Variants in RAB3C observed in about 807,000 individuals in gnomAD.
RAB3C encodes ras-related protein Rab-3C.
RAB3C carries 17 observed loss-of-function variants against 26.4 expected under a neutral mutation model. The ratio of observed to expected loss-of-function variants is 0.64; its 90% CI spans 0.44 to 0.97. The LOEUF (loss-of-function observed/expected upper bound fraction) is 0.97, where lower values mean the gene tolerates loss of function less well. RAB3C is among the 50% of genes least tolerant of loss of function. RAB3C has a pLI of 0.00. For synonymous variants in RAB3C, 91 were observed against 95.9 expected (o/e 0.95, Z 0.30); for missense variants, 242 against 281.9 (o/e 0.86, Z 1.01).
At position 58,759,067 on chromosome 5, in the gene RAB3C, C is replaced by A. The variant is rs549830181; in HGVS notation, c.371+32947C>A. On this transcript the variant is annotated intron_variant, in intron 3 of 4. Transcript: ENST00000282878. Reference sequence around the variant, plus strand: ...CCGCTTTATACTAAATATTACCTCCCTCCAACATTCAACAAATATTTCATA... The same window carrying A: ...CCGCTTTATACTAAATATTACCTCCATCCAACATTCAACAAATATTTCATA... Among the ~76,000 whole-genome samples the A allele has an allele frequency of 1.3e-4, 20 of 152,318 alleles. No homozygotes were observed. The South Asian group carries it at 3.9e-3, about 30-fold the overall frequency.
At chr5:58,695,899 T>C (rs1748687614) in intron 2 of RAB3C, among the ~76,000 whole-genome samples, 2 of 152,222 alleles carry the variant, frequency 1.3e-5, no homozygotes, top group South Asian at 4.1e-4. Flanking sequence ...CATTTCCTAA[T>C]TGAATACCCT....
chr5:58,832,606 T>C (rs1055638526), intron 4 of RAB3C, among the ~76,000 whole-genome samples: 5 of 152,200 alleles, frequency 3.3e-5, no homozygotes, highest in African/African-American at 1.2e-4. Context: ...ATTGTTGTAA[T>C]AGAGGCATGG....
At chr5:58,823,100 C>A in intron 3 of RAB3C, 1 of 488,796 alleles carries the variant, frequency 2.0e-6, no homozygotes, top group Non-Finnish European at 3.9e-6. Flanking sequence ...GCATGGGAAA[C>A]ACATCATGGG....
intron 1 of RAB3C, among the ~76,000 whole-genome samples, chr5:58,596,885 ATAATATATAATATTATATTT>A (rs1189424605): frequency 3.1e-5 from 3 of 97,772 alleles, no homozygotes; most frequent in Admixed American, 1.7e-4. Flanking sequence ...TATATAATAC[ATAATATATAATATTATATTT>A]TAATATATAA....
intron 4 of RAB3C, among the ~76,000 whole-genome samples, chr5:58,845,844 C>T (rs1488235606): frequency 1.3e-5 from 2 of 151,772 alleles, no homozygotes; most frequent in Non-Finnish European, 2.9e-5. Flanking sequence ...CCCTGCCCAT[C>T]AGCATTCACT....
At chr5:58,837,778 C>T (rs757888245) in intron 4 of RAB3C, among the ~76,000 whole-genome samples, 3 of 150,438 alleles carry the variant, frequency 2.0e-5, no homozygotes, top group Non-Finnish European at 3.0e-5. Flanking sequence ...AGGCTGATCT[C>T]GAACTCCTGA....
chr5:58,660,911 C>T (rs1025511971), intron 2 of RAB3C, among the ~76,000 whole-genome samples: 1 of 150,064 alleles, frequency 6.7e-6, no homozygotes, highest in African/African-American at 2.5e-5. Flanking sequence ...TCATAGGACC[C>T]ATCTACCATG....
At chr5:58,737,913 G>A (rs1579889726) in intron 3 of RAB3C, among the ~76,000 whole-genome samples, 2 of 148,444 alleles carry the variant, frequency 1.3e-5, no homozygotes, top group East Asian at 1.9e-4. Context: ...AAAAAAAAAT[G>A]TCTTATCTTA....
At chr5:58,719,646 T>C (rs1254287919) in intron 2 of RAB3C, among the ~76,000 whole-genome samples, 3 of 151,996 alleles carry the variant, frequency 2.0e-5, no homozygotes, top group Non-Finnish European at 4.4e-5. Context: ...TGCCATGCTG[T>C]CACTGAAGGC....
At chr5:58,632,522 T>C (rs750817200) in intron 2 of RAB3C, among the ~76,000 whole-genome samples, 2 of 152,220 alleles carry the variant, frequency 1.3e-5, no homozygotes, top group Non-Finnish European at 2.9e-5. Context: ...AAGGGAGGTC[T>C]ACTTCAGTCT....
chr5:58,731,026 C>A (rs1371154560), intron 3 of RAB3C, among the ~76,000 whole-genome samples: 2 of 151,964 alleles, frequency 1.3e-5, no homozygotes, highest in Non-Finnish European at 2.9e-5. Context: ...ATCATAAGAA[C>A]AACATGGGAA....
chr5:58,782,831 A>C (rs1453570519), intron 3 of RAB3C, among the ~76,000 whole-genome samples: 1 of 152,190 alleles, frequency 6.6e-6, no homozygotes, highest in Non-Finnish European at 1.5e-5. Flanking sequence ...ATAGGATAAG[A>C]ATAATTTCTC....
chr5:58,722,455 A>G (rs1317812097), intron 2 of RAB3C, among the ~76,000 whole-genome samples: 1 of 151,828 alleles, frequency 6.6e-6, no homozygotes, highest in African/African-American at 2.4e-5. Flanking sequence ...AAGCCATTTA[A>G]AGTTACTTTA....
chr5:58,773,730 C>T (rs57818502), intron 3 of RAB3C, among the ~76,000 whole-genome samples: 3,687 of 152,172 alleles, frequency 0.024, 155 homozygotes, highest in African/African-American at 0.084. Flanking sequence ...AAGATGAAGA[C>T]GCAGTGAACC....
chr5:58,758,145 T>C (rs292953), intron 3 of RAB3C, among the ~76,000 whole-genome samples: 109,138 of 151,728 alleles, frequency 0.72, 39,378 homozygotes, highest in Middle Eastern at 0.78. Flanking sequence ...GGGGTTTCAC[T>C]GTGTTAGTCA....
intron 2 of RAB3C, among the ~76,000 whole-genome samples, chr5:58,709,513 T>C (rs192011978): frequency 1.1e-4 from 17 of 152,332 alleles, no homozygotes; most frequent in Non-Finnish European, 2.2e-4. Flanking sequence ...CAGTTCTGTT[T>C]TGAATGAAGA....
intron 2 of RAB3C, among the ~76,000 whole-genome samples, chr5:58,625,998 T>C (rs1291598094): frequency 6.6e-6 from 1 of 152,154 alleles, no homozygotes; most frequent in Non-Finnish European, 1.5e-5. Flanking sequence ...TCTTCTAATA[T>C]GTGCTGCACA....
intron 3 of RAB3C, among the ~76,000 whole-genome samples, chr5:58,772,793 T>G (rs1579910535): frequency 6.6e-6 from 1 of 152,302 alleles, no homozygotes; most frequent in Non-Finnish European, 1.5e-5. Flanking sequence ...CTTAAATTGC[T>G]TAAAGATTAT....
At position 58,822,753 on chromosome 5, in the gene RAB3C, A is replaced by T. The variant is rs551281330; in HGVS notation, c.372-2285A>T. 3 of 534,676 alleles carry T rather than the reference A, an allele frequency of 5.6e-6. No homozygotes were observed. The African/African-American group carries it at 5.7e-5, about 10-fold the overall frequency. The allele number at this position is 534,676 out of a possible 1,614,324, so 33.1% of individuals were successfully genotyped here. Reference sequence around the variant, plus strand: ...GCGCAGCATATGTACATGGTACATGAACTACCAAAATAAGGTGTGAAGGTT... The same window carrying T: ...GCGCAGCATATGTACATGGTACATGTACTACCAAAATAAGGTGTGAAGGTT... On this transcript the variant is annotated intron_variant, in intron 3 of 4. Transcript: ENST00000282878.
Sources: gnomAD v4.1 joint callset for allele counts (sites outside exome capture counted in the v4.1 genomes callset) on GRCh38, gnomAD v4.1.1 for gene constraint, MANE v1.5 for transcripts, NCBI Gene and HGNC (gene_info 2026-07-23, HGNC 2026-07-21) for gene names.